Variants in XKR6 observed in about 807,000 individuals in gnomAD.
XKR6 encodes XK related 6.
Under a neutral mutation model 56.7 loss-of-function variants are expected in XKR6, and 22 were observed. That is an observed-to-expected ratio of 0.39 (90% CI 0.28 to 0.55). XKR6 has a LOEUF of 0.55. Among genes scored for constraint, XKR6 ranks in the 20% least tolerant of loss-of-function variants. XKR6 has a pLI of 0.66. For missense variants in XKR6, 852 were observed against 889.0 expected (o/e 0.96, Z 0.53); for synonymous variants, 524 against 387.8 (o/e 1.35, Z -4.13).
At position 10,899,784 on chromosome 8, in the gene XKR6, G is replaced by A. The variant is rs557008452; in HGVS notation, c.962-868C>T. ...TACTCCCTGCATTTCCTCCCACAACGGGCAAATATTCACAGAGTTTGAGTG... is the reference window on the plus strand; with the variant it reads ...TACTCCCTGCATTTCCTCCCACAACAGGCAAATATTCACAGAGTTTGAGTG... On this transcript the variant is annotated intron_variant, in intron 2 of 2. Transcript: ENST00000416569. Among the ~76,000 whole-genome samples the A allele has an allele frequency of 3.3e-5, 5 of 152,104 alleles. No homozygotes were observed. In the East Asian group the frequency reaches 5.8e-4, roughly 18 times the overall value.
chr8:11,001,830 G>A (rs986281105), intron 1 of XKR6, among the ~76,000 whole-genome samples: 9 of 152,326 alleles, frequency 5.9e-5, no homozygotes, highest in African/African-American at 2.2e-4. Flanking sequence ...CCGGTCAGGG[G>A]CAAGCGGCAC....
chr8:11,190,475 T>G (rs1328266046), intron 1 of XKR6, among the ~76,000 whole-genome samples: 1 of 152,148 alleles, frequency 6.6e-6, no homozygotes, highest in Non-Finnish European at 1.5e-5. Flanking sequence ...GCATCTACCC[T>G]GAGAAAGAGA....
chr8:11,069,647 G>T (rs1204236825), intron 1 of XKR6, among the ~76,000 whole-genome samples: 2 of 152,112 alleles, frequency 1.3e-5, no homozygotes, highest in Non-Finnish European at 2.9e-5. Flanking sequence ...ATTTCCAGAA[G>T]AGGGCTCCAG....
chr8:10,914,400 T>A (rs1434427619), intron 2 of XKR6, among the ~76,000 whole-genome samples: 1 of 152,174 alleles, frequency 6.6e-6, no homozygotes, highest in Non-Finnish European at 1.5e-5. Flanking sequence ...TTGCTGAGAT[T>A]CGTAAAGAAT....
chr8:11,143,975 G>T (rs1658519799), intron 1 of XKR6, among the ~76,000 whole-genome samples: 1 of 152,062 alleles, frequency 6.6e-6, no homozygotes, highest in Admixed American at 6.5e-5. Flanking sequence ...TCCTCACAGG[G>T]CCTTTCCTCT....
At chr8:11,093,832 G>A (rs556069823) in intron 1 of XKR6, among the ~76,000 whole-genome samples, 1 of 152,130 alleles carries the variant, frequency 6.6e-6, no homozygotes, top group East Asian at 1.9e-4. Flanking sequence ...CGCACAGGCT[G>A]GAGTGCAGTG....
intron 1 of XKR6, among the ~76,000 whole-genome samples, chr8:10,960,512 A>G (rs1463718196): frequency 6.6e-6 from 1 of 152,200 alleles, no homozygotes; most frequent in Non-Finnish European, 1.5e-5. Flanking sequence ...CCTCCACAAG[A>G]AAGGAAGAAA....
chr8:11,184,455 A>G (rs1342936804), intron 1 of XKR6, among the ~76,000 whole-genome samples: 1 of 152,028 alleles, frequency 6.6e-6, no homozygotes, highest in Non-Finnish European at 1.5e-5. Context: ...AATTTTTAAA[A>G]GCCCATTAAG....
At position 10,896,149 on chromosome 8, in the gene XKR6, T is replaced by A. The variant is rs1322900452; in HGVS notation, c.*1803A>T. Reference sequence around the variant, plus strand: ...TGTGATTTTTTTTCTTTTCCTTTTTTTTTGTGCCCAAGTAGAGATACGATG... The same window carrying A: ...TGTGATTTTTTTTCTTTTCCTTTTTATTTGTGCCCAAGTAGAGATACGATG... On this transcript the variant is annotated 3_prime_UTR_variant, in exon 3 of 3. Transcript: ENST00000416569. 1 of 150,390 alleles carries A rather than the reference T, an allele frequency of 6.6e-6. No homozygotes were observed. The highest frequency in any genetic ancestry group is 2.4e-5 in the African/African-American group (1 of 41,114). The allele number at this position is 150,390 out of a possible 1,614,324, so 9.3% of individuals were successfully genotyped here.
chr8:11,173,712 G>C (rs1343262666), intron 1 of XKR6, among the ~76,000 whole-genome samples: 2 of 152,112 alleles, frequency 1.3e-5, no homozygotes, highest in African/African-American at 4.8e-5. Context: ...TGGACAGCAA[G>C]CCTTTTTGGC....
intron 1 of XKR6, among the ~76,000 whole-genome samples, chr8:10,965,536 T>A (rs1348943963): frequency 1.3e-5 from 2 of 152,184 alleles, no homozygotes; most frequent in Admixed American, 1.3e-4. Flanking sequence ...TACATACTCA[T>A]CGTACATGAG....
intron 1 of XKR6, among the ~76,000 whole-genome samples, chr8:11,172,603 G>T (rs992450870): frequency 2.0e-5 from 3 of 152,136 alleles, no homozygotes; most frequent in Admixed American, 1.3e-4. Flanking sequence ...ATGCACCCAG[G>T]CCTGCTCCCA....
In XKR6 at chr8:11,200,991, G is replaced by GCGC; in HGVS notation, c.348_349insGCG (p.Glu116_Pro117insAla). The stretch of plus-strand genomic sequence containing the variant: ...GGCCGCTCCACCTGCGGCGGCGGCG[G>GCGC]CTCCGGCCGCGCGGCCGAGGGCGTC... On this transcript the variant is annotated inframe_insertion, in exon 1 of 3. Transcript: ENST00000416569. This position sits in a 1 kb window ranked among gnomAD's most constrained non-coding sequence, Gnocchi z 6.4. The GCGC allele has an allele frequency of 6.8e-7, 1 of 1,460,926 alleles. No homozygotes were observed. The highest frequency in any genetic ancestry group is 1.4e-5 in the South Asian group (1 of 70,844). The allele number at this position is 1,460,926 out of a possible 1,614,324, so 90.5% of individuals were successfully genotyped here.
intron 1 of XKR6, among the ~76,000 whole-genome samples, chr8:11,039,233 C>T (rs942132945): frequency 6.6e-6 from 1 of 152,212 alleles, no homozygotes; most frequent in Non-Finnish European, 1.5e-5. Flanking sequence ...AAATCCACTC[C>T]AGATCTCACT....
intron 1 of XKR6, among the ~76,000 whole-genome samples, chr8:11,094,917 G>C (rs1479465537): frequency 6.6e-6 from 1 of 152,236 alleles, no homozygotes; most frequent in East Asian, 1.9e-4. Flanking sequence ...ATCAGGAAGA[G>C]CAGCTAGTGG....
intron 1 of XKR6, among the ~76,000 whole-genome samples, chr8:11,170,704 T>C (rs1802322570): frequency 4.6e-5 from 7 of 152,190 alleles, no homozygotes; most frequent in Admixed American, 4.6e-4. Flanking sequence ...GTACGTTAAT[T>C]ATATCTTAAT....
At chr8:10,927,089 T>C (rs1289881693) in intron 1 of XKR6, among the ~76,000 whole-genome samples, 2 of 152,024 alleles carry the variant, frequency 1.3e-5, no homozygotes, top group Non-Finnish European at 2.9e-5. Flanking sequence ...GCAAGAAATG[T>C]GTGCAGCGAG....
Position 11,070,075 on chromosome 8 carries a change from G to C in XKR6, c.764+130501C>G, listed in dbSNP as rs1800077707. On this transcript the variant is annotated intron_variant, in intron 1 of 2. Transcript: ENST00000416569. Reference sequence around the variant, plus strand: ...AACTCTTCCTTCCCCTGGCCCCACAGTTTTGGCTTCTGGGTTCTGGACATG... The same window carrying C: ...AACTCTTCCTTCCCCTGGCCCCACACTTTTGGCTTCTGGGTTCTGGACATG... 2.0e-5 allele frequency among the ~76,000 whole-genome samples: 3 copies of C among 152,190 alleles called. No individual in the cohort carries two copies. The South Asian group carries it at 6.2e-4, about 32-fold the overall frequency.
chr8:11,061,413 G>T (rs1162543077), intron 1 of XKR6, among the ~76,000 whole-genome samples: 2 of 151,962 alleles, frequency 1.3e-5, no homozygotes, highest in African/African-American at 4.8e-5. Flanking sequence ...GATGCAGTGA[G>T]TTGTGATCAT....
Sources: gnomAD v4.1 joint callset for allele counts (sites outside exome capture counted in the v4.1 genomes callset) on GRCh38, gnomAD v4.1.1 for gene constraint, Gnocchi (gnomAD v3.1) non-coding constraint, MANE v1.5 for transcripts, NCBI Gene and HGNC (gene_info 2026-07-23, HGNC 2026-07-21) for gene names.